LAMA2: variants seen among roughly 807,000 people sequenced by gnomAD.
LAMA2 encodes laminin subunit alpha 2.
Under a neutral mutation model 364.8 loss-of-function variants are expected in LAMA2, and 269 were observed. The ratio of observed to expected loss-of-function variants is 0.74; its 90% CI spans 0.67 to 0.82. The LOEUF is 0.82. Ranked by LOEUF, LAMA2 falls within the 40% of genes least tolerant of loss-of-function variation. The pLI, the probability that LAMA2 is intolerant of heterozygous loss-of-function variation, is 0.00. For synonymous variants in LAMA2, 1,379 were observed against 1,370.6 expected, an observed-to-expected ratio of 1.01 and a Z score of -0.14; for missense variants, 3,807 against 3,873.2, an observed-to-expected ratio of 0.98 and a Z score of 0.45.
chr6:129,169,965 A>G (rs1780023688), intron 9 of LAMA2, among the ~76,000 whole-genome samples: 2 of 150,878 alleles, frequency 1.3e-5, no homozygotes, highest in African/African-American at 5.0e-5. Flanking sequence ...TGTTTGTAGT[A>G]TTCTCTGATT....
At chr6:129,362,617 A>G (rs1028521803) in intron 32 of LAMA2, among the ~76,000 whole-genome samples, 4 of 152,246 alleles carry the variant, frequency 2.6e-5, no homozygotes, top group Non-Finnish European at 5.9e-5. Flanking sequence ...TTTCCTAGGC[A>G]CCATAACCAA....
At chr6:129,477,672 G>A (rs989303589) in intron 53 of LAMA2, among the ~76,000 whole-genome samples, 3 of 151,304 alleles carry the variant, frequency 2.0e-5, no homozygotes, top group African/African-American at 7.3e-5. Context: ...CAATTTTATT[G>A]AAAAAATAAA....
chr6:129,238,409 G>A (rs1319774823), intron 12 of LAMA2, among the ~76,000 whole-genome samples: 1 of 152,066 alleles, frequency 6.6e-6, no homozygotes, highest in Admixed American at 6.6e-5. Context: ...TGCCCTTTTA[G>A]ACATAACATA....
chr6:129,128,427 GT>G (rs1777245735), intron 4 of LAMA2, among the ~76,000 whole-genome samples: 1 of 152,138 alleles, frequency 6.6e-6, no homozygotes. Context: ...AAGTCAAGTA[GT>G]GTGATATCTT....
intron 34 of LAMA2, among the ~76,000 whole-genome samples, chr6:129,371,860 G>A (rs1471909546): frequency 6.6e-6 from 1 of 151,940 alleles, no homozygotes; most frequent in Non-Finnish European, 1.5e-5. Context: ...GCCTGCCTTG[G>A]CCTCCCAAAA....
chr6:129,120,261 T>C (rs559565021), intron 4 of LAMA2, among the ~76,000 whole-genome samples: 2 of 152,258 alleles, frequency 1.3e-5, no homozygotes, highest in South Asian at 4.1e-4. Context: ...TAAAATTGAG[T>C]TTCAGATATT....
At chr6:129,058,678 G>C (rs1788663121) in intron 2 of LAMA2, among the ~76,000 whole-genome samples, 1 of 152,204 alleles carries the variant, frequency 6.6e-6, no homozygotes, top group Admixed American at 6.5e-5. Flanking sequence ...GCCGCAAAAA[G>C]CTTCTGTAAG....
chr6:128,903,040 T>A (rs1777186456), intron 1 of LAMA2, among the ~76,000 whole-genome samples: 1 of 152,186 alleles, frequency 6.6e-6, no homozygotes. Context: ...TGTTCTTCTA[T>A]AATAGATTTG....
intron 42 of LAMA2, among the ~76,000 whole-genome samples, chr6:129,439,463 A>G (rs1409068409): frequency 6.6e-6 from 1 of 152,062 alleles, no homozygotes; most frequent in East Asian, 1.9e-4. Context: ...CTGATGTACC[A>G]CCACAAAGAC....
chr6:129,104,870 C>CCT (rs770274335), intron 4 of LAMA2, among the ~76,000 whole-genome samples: 1 of 152,114 alleles, frequency 6.6e-6, no homozygotes, highest in Non-Finnish European at 1.5e-5. Context: ...ACCTAGCATC[C>CCT]TAGGCCTGCA....
chr6:129,194,202 T>C (rs950744331), intron 12 of LAMA2, among the ~76,000 whole-genome samples: 1 of 151,856 alleles, frequency 6.6e-6, no homozygotes, highest in Non-Finnish European at 1.5e-5. Context: ...AAAAATATAC[T>C]GTCAATTTAA....
Position 129,301,264 on chromosome 6 carries a change from G to A in LAMA2, c.3174+392G>A, listed in dbSNP as rs867891876. On this transcript the variant is annotated intron_variant, in intron 22 of 64. Coordinates refer to ENST00000421865, the MANE Select transcript of LAMA2 (RefSeq NM_000426.4). ...ATGACTAGGTTTTAGGTTTCAGGAA[G>A]TAGTTGAGATCATTCTGAAGAGTCA... is the stretch of plus-strand genomic sequence containing the variant. Among the ~76,000 whole-genome samples the A allele has an allele frequency of 4.6e-5, 7 of 152,128 alleles. No homozygotes were observed. In the South Asian group the frequency reaches 1.5e-3, roughly 32 times the overall value.
chr6:129,171,706 A>G (rs1201214453), intron 9 of LAMA2, among the ~76,000 whole-genome samples: 9 of 127,274 alleles, frequency 7.1e-5, no homozygotes, highest in African/African-American at 2.8e-4. Context: ...TATTTCCTGA[A>G]TCTGAACGTT....
chr6:129,474,514 CCAGT>C (rs2114825865), intron 52 of LAMA2, among the ~76,000 whole-genome samples: 1 of 152,162 alleles, frequency 6.6e-6, no homozygotes, highest in South Asian at 2.1e-4. Flanking sequence ...AATTCATTTG[CCAGT>C]CATTCACCAA....
At chr6:129,218,576 T>C (rs906072369) in intron 12 of LAMA2, among the ~76,000 whole-genome samples, 3 of 152,132 alleles carry the variant, frequency 2.0e-5, no homozygotes, top group Admixed American at 6.6e-5. Flanking sequence ...TCAGTAACAT[T>C]CATTAAATGC....
At chr6:129,515,879 G>A (rs1341604243) in intron 64 of LAMA2, among the ~76,000 whole-genome samples, 1 of 152,140 alleles carries the variant, frequency 6.6e-6, no homozygotes, top group African/African-American at 2.4e-5. Flanking sequence ...CTTGAGCCCA[G>A]GAGTTGGAGA....
At chr6:129,192,875 G>A (rs374410668) in intron 12 of LAMA2, 22 bp downstream of exon 12, 4 of 1,608,930 alleles carry the variant, frequency 2.5e-6, no homozygotes, top group South Asian at 2.2e-5. Context: ...CTTGCTTCCC[G>A]CTATTCTGCT....
intron 40 of LAMA2, among the ~76,000 whole-genome samples, chr6:129,412,698 T>C (rs2114713783): frequency 6.6e-6 from 1 of 152,372 alleles, no homozygotes; most frequent in East Asian, 1.9e-4. Context: ...TTCAAGTTTA[T>C]GTCTCACATC....
intron 61 of LAMA2, among the ~76,000 whole-genome samples, chr6:129,505,610 G>A (rs538938527): frequency 3.5e-4 from 54 of 152,206 alleles, no homozygotes; most frequent in African/African-American, 1.3e-3. Flanking sequence ...CCGGGTTCAC[G>A]CCATTCTCCT....
Sources: allele counts gnomAD v4.1 joint callset (sites outside exome capture counted in the v4.1 genomes callset), GRCh38; gene constraint gnomAD v4.1.1; transcripts MANE v1.5; gene names NCBI Gene and HGNC (gene_info 2026-07-23, HGNC 2026-07-21).